Variants in NETO1 observed in about 807,000 individuals in gnomAD.
The protein encoded by NETO1 is neuropilin and tolloid-like protein 1.
NETO1 carries 26 observed loss-of-function variants against 61.3 expected under a neutral mutation model. That is an observed-to-expected ratio of 0.42 (90% confidence interval 0.31 to 0.59). NETO1 has a LOEUF of 0.59. Among genes scored for constraint, NETO1 ranks in the 20% least tolerant of loss-of-function variants. The pLI, the probability that NETO1 is intolerant of heterozygous loss-of-function variation, is 0.12. For missense variants in NETO1, 531 were observed against 662.8 expected (o/e 0.80, Z 2.18); for synonymous variants, 225 against 225.8 (o/e 1.00, Z 0.03).
chr18:72,754,730 A>G (rs1348522585), intron 8 of NETO1, among the ~76,000 whole-genome samples: 1 of 152,200 alleles, frequency 6.6e-6, no homozygotes, highest in Non-Finnish European at 1.5e-5. Context: ...TGATAGCTGA[A>G]AAATTTAACA....
chr18:72,836,508 C>T (rs897874298), intron 4 of NETO1, among the ~76,000 whole-genome samples: 1 of 152,062 alleles, frequency 6.6e-6, no homozygotes, highest in East Asian at 1.9e-4. Context: ...GTTCCCAGTA[C>T]CTAGTACAGT....
chr18:72,750,516 C>T lies in NETO1; in HGVS notation c.1087G>A (p.Val363Ile), dbSNP rs766932799. The change falls in exon 9 of 11, where the codon GTA becomes ATA. Residue 363 changes from valine (V) to isoleucine (I), a missense_variant. Coordinates refer to ENST00000327305, the MANE Select transcript of NETO1 (RefSeq NM_138966.5). ...VIILIIISVI[V>I]QIKQPRKKYV... The stretch of plus-strand genomic sequence containing the variant: ...TTTTTACGAGGCTGTTTGATCTGTA[C>T]GATGACAGAGATGATAATGAGGATG... 6.2e-6 allele frequency: 10 copies of T among 1,613,770 alleles called. No individual in the cohort carries two copies. Among genetic ancestry groups the T allele is most frequent in the African/African-American group, 1.3e-5 (1 of 74,854 alleles).
At chr18:72,751,344 G>A (rs1461767202) in intron 8 of NETO1, among the ~76,000 whole-genome samples, 1 of 152,168 alleles carries the variant, frequency 6.6e-6, no homozygotes, top group Non-Finnish European at 1.5e-5. Context: ...TGTGGCATTT[G>A]AGCCATGACT....
At chr18:72,808,458 G>A (rs966057118) in intron 4 of NETO1, among the ~76,000 whole-genome samples, 9 of 71,026 alleles carry the variant, frequency 1.3e-4, no homozygotes, top group Non-Finnish European at 2.9e-4. Context: ...TGTGTGTGGA[G>A]TGTGTGTGTG....
At chr18:72,865,630 A>G in intron 1 of NETO1, 2 of 1,593,048 alleles carry the variant, frequency 1.3e-6, no homozygotes, top group Non-Finnish European at 1.7e-6. Context: ...GAAGGTAAAA[A>G]GGAGGAAAAG....
At chr18:72,856,858 T>C (rs1269305573) in intron 4 of NETO1, among the ~76,000 whole-genome samples, 1 of 152,224 alleles carries the variant, frequency 6.6e-6, no homozygotes, top group Non-Finnish European at 1.5e-5. Context: ...TTTCCCCAGG[T>C]CACCAGTTGA....
In NETO1 at chr18:72,772,970, G is replaced by A. The variant is rs1485089576; in HGVS notation, c.868+10708C>T. Among the ~76,000 whole-genome samples, 5 of 149,768 alleles carry A rather than the reference G, an allele frequency of 3.3e-5. 1 individual carries two copies. In the South Asian group the frequency reaches 6.4e-4, roughly 19 times the overall value. ...CCAAGTTCACAGTATTTCTGCTGAG[G>A]AAATTAGCCTACACCTATAACATTT... On this transcript the variant is annotated intron_variant, in intron 7 of 10. Transcript: ENST00000327305.
chr18:72,761,318 A>C (rs12606900), intron 7 of NETO1, among the ~76,000 whole-genome samples: 107,803 of 152,038 alleles, frequency 0.71, 38,324 homozygotes, highest in Admixed American at 0.77. Flanking sequence ...GCTACAACCA[A>C]GTCTAATATG....
At chr18:72,824,883 A>C (rs1217315519) in intron 4 of NETO1, among the ~76,000 whole-genome samples, 1 of 152,164 alleles carries the variant, frequency 6.6e-6, no homozygotes, top group East Asian at 1.9e-4. Flanking sequence ...GGTCTCAAAC[A>C]AACAAAAAAT....
At chr18:72,866,298 G>A (rs8085438) in intron 1 of NETO1, among the ~76,000 whole-genome samples, 5,168 of 152,152 alleles carry the variant, frequency 0.034, 275 homozygotes, top group African/African-American at 0.12. Flanking sequence ...ATCACTCTAA[G>A]AAACGTATCT....
intron 4 of NETO1, among the ~76,000 whole-genome samples, chr18:72,817,650 C>T (rs1195604183): frequency 6.6e-6 from 1 of 152,250 alleles, no homozygotes; most frequent in African/African-American, 2.4e-5. Flanking sequence ...TGCCTAATCA[C>T]CTCTTAGCGT....
chr18:72,857,572 G>A (rs2074444418), intron 4 of NETO1, among the ~76,000 whole-genome samples: 2 of 152,060 alleles, frequency 1.3e-5, no homozygotes, highest in South Asian at 4.2e-4. Flanking sequence ...CTGTCTCTAG[G>A]TACAGGTTAT....
intron 4 of NETO1, among the ~76,000 whole-genome samples, chr18:72,816,417 G>A (rs1030718836): frequency 1.3e-5 from 2 of 152,146 alleles, no homozygotes; most frequent in African/African-American, 2.4e-5. Flanking sequence ...TATCTAAAGG[G>A]ACAGAGACCA....
intron 4 of NETO1, among the ~76,000 whole-genome samples, chr18:72,856,392 A>C (rs2074410723): frequency 6.6e-6 from 1 of 152,198 alleles, no homozygotes; most frequent in African/African-American, 2.4e-5. Flanking sequence ...AACTGTTTTT[A>C]AGTCTGAGAC....
intron 4 of NETO1, among the ~76,000 whole-genome samples, chr18:72,847,661 A>C (rs12455943): frequency 0.3 from 45,846 of 152,134 alleles, 7,054 homozygotes; most frequent in East Asian, 0.45. Flanking sequence ...ACATACAGTT[A>C]TCTAGATATA....
chr18:72,834,537 A>C lies in NETO1; in HGVS notation c.469+24289T>G, dbSNP rs1163646086. The C allele has an allele frequency of 4.1e-6, 4 of 966,314 alleles. No homozygotes were observed. The African/African-American group carries it at 7.0e-5, about 17-fold the overall frequency. The allele number at this position is 966,314 out of a possible 1,614,324, so 59.9% of individuals were successfully genotyped here. A position where few individuals can be genotyped will look rare whatever the true frequency, so the allele number is the denominator to read the frequency against. On this transcript the variant is annotated intron_variant, in intron 4 of 10. Transcript: ENST00000327305. Reference sequence around the variant, plus strand: ...ATTCTGAATATTAATTACTATATATAATATAAAAGCAATGAAAATCATGTA... The same window carrying C: ...ATTCTGAATATTAATTACTATATATCATATAAAAGCAATGAAAATCATGTA...
intron 9 of NETO1, among the ~76,000 whole-genome samples, chr18:72,749,439 A>G (rs1269117579): frequency 6.6e-6 from 1 of 152,174 alleles, no homozygotes; most frequent in Admixed American, 6.5e-5. Context: ...TATTGCATTT[A>G]TAGTTGAAGG....
intron 1 of NETO1, among the ~76,000 whole-genome samples, chr18:72,866,562 T>C (rs2074738459): frequency 6.6e-6 from 1 of 152,182 alleles, no homozygotes; most frequent in East Asian, 1.9e-4. Flanking sequence ...ATAGACCACG[T>C]ACTGTGTTTA....
At chr18:72,816,005 A>G (rs575779635) in intron 4 of NETO1, among the ~76,000 whole-genome samples, 1 of 152,158 alleles carries the variant, frequency 6.6e-6, no homozygotes, top group East Asian at 1.9e-4. Context: ...GGTAAGGTAC[A>G]TATAGAGATC....
Sources: allele counts gnomAD v4.1 joint callset (sites outside exome capture counted in the v4.1 genomes callset), GRCh38; gene constraint gnomAD v4.1.1; transcripts MANE v1.5; gene names NCBI Gene and HGNC (gene_info 2026-07-23, HGNC 2026-07-21).